SPTLC3: variants seen among roughly 807,000 people sequenced by gnomAD.
SPTLC3 encodes the protein serine palmitoyltransferase 3.
In SPTLC3, 36 loss-of-function variants were observed where a neutral mutation model predicts 59.3. The observed-to-expected ratio is 0.61, with a 90% CI of 0.47 to 0.80. SPTLC3 has a LOEUF of 0.80. SPTLC3 is among the 30% of genes least tolerant of loss of function. The pLI, the probability that SPTLC3 is intolerant of heterozygous loss-of-function variation, is 0.00. For synonymous variants in SPTLC3, 257 were observed against 240.8 expected (o/e 1.07, Z -0.62); for missense variants, 625 against 685.1 (o/e 0.91, Z 0.98).
intron 9 of SPTLC3, among the ~76,000 whole-genome samples, chr20:13,145,117 G>A (rs889589125): frequency 2.0e-5 from 3 of 152,086 alleles, no homozygotes; most frequent in African/African-American, 7.2e-5. Flanking sequence ...AAACCCTGAT[G>A]TGTTTCTCTG....
At chr20:13,110,659 G>A (rs1990180108) in intron 7 of SPTLC3, among the ~76,000 whole-genome samples, 1 of 152,128 alleles carries the variant, frequency 6.6e-6, no homozygotes, top group African/African-American at 2.4e-5. Flanking sequence ...AACTTTGTTA[G>A]TGATTGCCAT....
At chr20:13,036,898 C>T (rs941325923) in intron 1 of SPTLC3, among the ~76,000 whole-genome samples, 1 of 152,104 alleles carries the variant, frequency 6.6e-6, no homozygotes, top group Non-Finnish European at 1.5e-5. Context: ...TAATGGAAGC[C>T]TCAAACGTGG....
intron 4 of SPTLC3, among the ~76,000 whole-genome samples, chr20:13,077,781 G>T (rs1017240548): frequency 1.3e-5 from 2 of 151,360 alleles, no homozygotes; most frequent in African/African-American, 4.9e-5. Flanking sequence ...CAAGCTATCT[G>T]TACTTTTTTT....
chr20:13,017,912 A>C (rs1985618092), intron 1 of SPTLC3, among the ~76,000 whole-genome samples: 1 of 152,208 alleles, frequency 6.6e-6, no homozygotes, highest in South Asian at 2.1e-4. Flanking sequence ...GCTTGAACCC[A>C]GTCCTTGTAG....
chr20:13,026,213 GA>G (rs1350374475), intron 1 of SPTLC3, among the ~76,000 whole-genome samples: 2 of 152,190 alleles, frequency 1.3e-5, no homozygotes, highest in African/African-American at 4.8e-5. Context: ...CTTTATGGTA[GA>G]ACAATTTATA....
chr20:13,129,069 T>G (rs187153313), intron 9 of SPTLC3, among the ~76,000 whole-genome samples: 4 of 151,862 alleles, frequency 2.6e-5, no homozygotes, highest in Non-Finnish European at 5.9e-5. Flanking sequence ...AGAGATGGGG[T>G]CTCGCCAGAT....
At chr20:13,069,512 G>T (rs953126724) in intron 2 of SPTLC3, among the ~76,000 whole-genome samples, 1 of 152,074 alleles carries the variant, frequency 6.6e-6, no homozygotes. Context: ...TAGACCCCTC[G>T]CATGCGCAGT....
chr20:13,152,239 T>A (rs2038665530), intron 9 of SPTLC3, among the ~76,000 whole-genome samples: 1 of 152,152 alleles, frequency 6.6e-6, no homozygotes, highest in Admixed American at 6.6e-5. Context: ...ACTAATTTGG[T>A]TGTTGTGATG....
chr20:13,078,182 G>GA (rs1282302529), intron 4 of SPTLC3, among the ~76,000 whole-genome samples: 1 of 141,538 alleles, frequency 7.1e-6, no homozygotes, highest in African/African-American at 2.6e-5. Context: ...TATGTAAAAA[G>GA]AAAATATAAA....
chr20:13,100,594 A>C (rs866137696), intron 6 of SPTLC3, among the ~76,000 whole-genome samples: 4 of 152,096 alleles, frequency 2.6e-5, no homozygotes, highest in Non-Finnish European at 5.9e-5. Flanking sequence ...CAAAAAAAAC[A>C]CCTGAGTACC....
At chr20:13,101,647 C>T (rs1409483791) in intron 6 of SPTLC3, among the ~76,000 whole-genome samples, 1 of 152,170 alleles carries the variant, frequency 6.6e-6, no homozygotes. Flanking sequence ...ATTTGTTCTC[C>T]ATGGTGTTTC....
At chr20:13,061,886 A>T (rs1380562122) in intron 2 of SPTLC3, among the ~76,000 whole-genome samples, 1 of 152,182 alleles carries the variant, frequency 6.6e-6, no homozygotes, top group Non-Finnish European at 1.5e-5. Context: ...GTCACAGCAC[A>T]TGTCTGGCCA....
chr20:13,153,901 G>A, intron 9 of SPTLC3, 102 bp from the exon 10 acceptor site: 2 of 1,469,448 alleles, frequency 1.4e-6, no homozygotes, highest in Non-Finnish European at 9.3e-7. Context: ...AGCTAGTGCT[G>A]CTGGCCTGCA....
rs771963191 is a variant in SPTLC3, at chr20:13,049,118, A to T, written c.291A>T (p.Arg97Ser). 1.6e-5 allele frequency: 26 copies of T among 1,613,068 alleles called. No homozygotes were observed. The Admixed American group carries it at 4.3e-4, about 27-fold the overall frequency. ...AAAAATGCAACGCAGCTGTGGAAAG[A>T]AAAGAACAAAAAGTACGTATGCGCA... ...GIEKCNAAVE[R>S]KEQKDFVPLY... Residue 97 changes from arginine (R) to serine (S), a missense_variant, in exon 2 of 12, where the codon AGA becomes AGT. Transcript: ENST00000399002.
chr20:13,009,332 A>G lies in SPTLC3; in HGVS notation c.65A>G (p.Asn22Ser). 6.2e-7 allele frequency: 1 copy of G among 1,614,120 alleles called. No individual in the cohort carries two copies. The highest frequency in any genetic ancestry group is 8.5e-7 in the Non-Finnish European group (1 of 1,179,976). Residue 22 changes from asparagine (N) to serine (S), a missense_variant, in exon 1 of 12, where the codon AAT becomes AGT. Asn to Ser is a conservative substitution (Grantham distance 46). Transcript: ENST00000399002. The stretch of plus-strand genomic sequence containing the variant: ...CTTCACAATCACAAGAAACAGAGCA[A>G]TGGCTCACAAAGCAGAAACTGCACA... ...GKLHNHKKQS[N>S]GSQSRNCTKN... is the part of the protein sequence containing the mutation.
At chr20:13,146,713 G>T (rs1345445649) in intron 9 of SPTLC3, among the ~76,000 whole-genome samples, 1 of 152,150 alleles carries the variant, frequency 6.6e-6, no homozygotes, top group African/African-American at 2.4e-5. Context: ...AACAGTGTCA[G>T]AAATTTTTCA....
chr20:13,013,222 C>A (rs1357066211), intron 1 of SPTLC3, among the ~76,000 whole-genome samples: 1 of 152,224 alleles, frequency 6.6e-6, no homozygotes, highest in Admixed American at 6.5e-5. Flanking sequence ...CTTCTATTCT[C>A]CCCACCTTTC....
intron 1 of SPTLC3, among the ~76,000 whole-genome samples, chr20:13,013,392 C>A (rs6078879): frequency 2.0e-5 from 3 of 152,042 alleles, no homozygotes; most frequent in Middle Eastern, 3.4e-3. Flanking sequence ...TGGGGCTCAC[C>A]TAGGCTACCC....
In SPTLC3 at chr20:13,164,932, G is replaced by A; in HGVS notation, c.*65G>A. The A allele has an allele frequency of 2.2e-6, 3 of 1,351,808 alleles. No homozygotes were observed. Among genetic ancestry groups the A allele is most frequent in the Non-Finnish European group, 3.1e-6 (3 of 978,868 alleles). 83.7% of individuals were successfully genotyped at this position (1,351,808 alleles called of 1,614,324 possible). ...AAGACCTCCCTCCTTGCCTCACAAGGAATATAAATGGATTTCTCCCCCTTC... is the reference window on the plus strand; with the variant it reads ...AAGACCTCCCTCCTTGCCTCACAAGAAATATAAATGGATTTCTCCCCCTTC... On this transcript the variant is annotated 3_prime_UTR_variant, in exon 12 of 12. Coordinates refer to ENST00000399002, the MANE Select transcript of SPTLC3 (RefSeq NM_018327.4).
Sources: gnomAD v4.1 joint callset for allele counts (sites outside exome capture counted in the v4.1 genomes callset) on GRCh38, gnomAD v4.1.1 for gene constraint, MANE v1.5 for transcripts, NCBI Gene and HGNC (gene_info 2026-07-23, HGNC 2026-07-21) for gene names.